Variants in DZIP1 observed in about 807,000 individuals in gnomAD.
DZIP1 encodes cilium assembly protein DZIP1.
Under a neutral mutation model 107.6 loss-of-function variants are expected in DZIP1, and 97 were observed. That is an observed-to-expected ratio of 0.90 (90% CI 0.77 to 1.07). DZIP1 has a LOEUF of 1.07. Ranked by LOEUF, DZIP1 falls within the 50% of genes least tolerant of loss-of-function variation. The pLI is 0.00. For synonymous variants in DZIP1, 390 were observed against 386.4 expected, an observed-to-expected ratio of 1.01 and a Z score of -0.11; for missense variants, 1,035 against 1,063.6, an observed-to-expected ratio of 0.97 and a Z score of 0.37.
At chr13:95,584,038 G>A (rs186936744) in intron 22 of DZIP1, among the ~76,000 whole-genome samples, 21 of 151,886 alleles carry the variant, frequency 1.4e-4, no homozygotes, top group East Asian at 3.9e-4. Flanking sequence ...GTGCAGTGGC[G>A]TGATCTCAGC....
chr13:95,588,646 A>T (rs557971904), intron 19 of DZIP1, among the ~76,000 whole-genome samples: 1 of 152,332 alleles, frequency 6.6e-6, no homozygotes, highest in Non-Finnish European at 1.5e-5. Context: ...CAGATAAGAA[A>T]ACAGGCTTAA....
chr13:95,580,708 A>G lies in DZIP1; in HGVS notation c.*1526T>C, dbSNP rs1022737972. The G allele has an allele frequency of 6.6e-6, 1 of 152,226 alleles. No homozygotes were observed. Among genetic ancestry groups the G allele is most frequent in the East Asian group, 1.9e-4 (1 of 5,198 alleles). The allele number at this position is 152,226 out of a possible 1,614,324, so 9.4% of individuals were successfully genotyped here. The stretch of plus-strand genomic sequence containing the variant: ...CAATAAATATCTGCTGAATAAATAA[A>G]TGAATGAACAAAGTGGCACATGGGC... On this transcript the variant is annotated 3_prime_UTR_variant, in exon 23 of 23. Transcript: ENST00000376829.
rs1594632500 is a variant in DZIP1, at chr13:95,581,955, C to T, written c.*279G>A. The T allele has an allele frequency of 3.3e-6, 1 of 301,132 alleles. No individual in the cohort carries two copies. The highest frequency in any genetic ancestry group is 5.8e-5 in the East Asian group (1 of 17,108). 18.7% of individuals were successfully genotyped at this position (301,132 alleles called of 1,614,324 possible). A position where few individuals can be genotyped will look rare whatever the true frequency, so the allele number is the denominator to read the frequency against. On this transcript the variant is annotated 3_prime_UTR_variant, in exon 23 of 23. Transcript: ENST00000376829. ...AAAAATACACTTAACACTAGAGTAC[C>T]TTTCTGAAGAAAAAACTTTTTATGA...
intron 20 of DZIP1, among the ~76,000 whole-genome samples, chr13:95,586,964 T>C (rs2044176540): frequency 6.6e-6 from 1 of 152,204 alleles, no homozygotes; most frequent in Admixed American, 6.5e-5. Flanking sequence ...TGGGTTGACT[T>C]GTGTCCCTCT....
rs1048373870 is a variant in DZIP1, at chr13:95,589,040, A to C, written c.2027+114T>G. The C allele has an allele frequency of 3.5e-6, 3 of 852,036 alleles. No individual in the cohort carries two copies. The South Asian group carries it at 4.6e-5, about 13-fold the overall frequency. 52.8% of individuals were successfully genotyped at this position (852,036 alleles called of 1,614,324 possible). A position where few individuals can be genotyped will look rare whatever the true frequency, so the allele number is the denominator to read the frequency against. Reference sequence around the variant, plus strand: ...TATCACAAAGGAATGACAAATTATGATATTAAATAATTACGGCTTCATTCA... The same window carrying C: ...TATCACAAAGGAATGACAAATTATGCTATTAAATAATTACGGCTTCATTCA... On this transcript the variant is annotated intron_variant, in intron 19 of 22. Coordinates refer to ENST00000376829, the MANE Select transcript of DZIP1 (RefSeq NM_198968.4).
chr13:95,593,058 C>T (rs2044354928), intron 16 of DZIP1, among the ~76,000 whole-genome samples: 2 of 152,154 alleles, frequency 1.3e-5, no homozygotes. Flanking sequence ...ACACACACAT[C>T]CATGTACATA....
intron 12 of DZIP1, among the ~76,000 whole-genome samples, chr13:95,610,161 T>C (rs535868615): frequency 2.7e-5 from 4 of 147,308 alleles, no homozygotes; most frequent in African/African-American, 1.0e-4. Context: ...AGTTCTTGAA[T>C]GATATGGAGA....
chr13:95,630,175 G>A (rs1176766610), intron 6 of DZIP1, 62 bp from the exon 7 acceptor site: 20 of 1,563,438 alleles, frequency 1.3e-5, no homozygotes, highest in Non-Finnish European at 1.6e-5. Context: ...GGAAACTTAT[G>A]GGGTACAGTC....
Position 95,641,605 on chromosome 13 carries a change from A to G in DZIP1, c.287T>C (p.Ile96Thr). The G allele has an allele frequency of 6.2e-7, 1 of 1,612,692 alleles. No individual in the cohort carries two copies. The highest frequency in any genetic ancestry group is 8.5e-7 in the Non-Finnish European group (1 of 1,180,016). ...CTCGTCTTCCAGCTTGCAGAAGGTGATGTTCATGATGTTCTCCTGCAGCGT... is the reference window on the plus strand; with the variant it reads ...CTCGTCTTCCAGCTTGCAGAAGGTGGTGTTCATGATGTTCTCCTGCAGCGT... ...VLTLQENIMN[I>T]TFCKLEDEKC... The change falls in exon 5 of 23, where the codon ATC becomes ACC. Residue 96 changes from isoleucine to threonine, a missense_variant. Coordinates refer to ENST00000376829, the MANE Select transcript of DZIP1 (RefSeq NM_198968.4). This position sits in a 1 kb window ranked among gnomAD's most constrained non-coding sequence, Gnocchi z 4.3.
At chr13:95,615,630 C>T (rs1001078295) in intron 10 of DZIP1, among the ~76,000 whole-genome samples, 3 of 152,192 alleles carry the variant, frequency 2.0e-5, no homozygotes, top group Non-Finnish European at 4.4e-5. Flanking sequence ...GTCAGAGCAT[C>T]CAAAGAAAAG....
At chr13:95,612,200 A>ATC in intron 10 of DZIP1, 23 bp from the exon 11 acceptor site, 1 of 1,602,996 alleles carries the variant, frequency 6.2e-7, no homozygotes, top group South Asian at 1.1e-5. Context: ...TAAGAAAGGC[A>ATC]TCCATCTGTA....
intron 12 of DZIP1, 24 bp from the exon 13 acceptor site, chr13:95,609,537 A>T: frequency 6.4e-7 from 1 of 1,554,362 alleles, no homozygotes; most frequent in Non-Finnish European, 8.7e-7. Context: ...AAAATAAATG[A>T]ACAAAAAACA....
At position 95,641,512 on chromosome 13, in the gene DZIP1, G is replaced by T; in HGVS notation, c.380C>A (p.Thr127Asn). Residue 127 changes from threonine to asparagine, a missense_variant, in exon 5 of 23, where the codon ACC (threonine) becomes AAC (asparagine). Coordinates refer to ENST00000376829, the MANE Select transcript of DZIP1 (RefSeq NM_198968.4). This position sits in a 1 kb window ranked among gnomAD's most constrained non-coding sequence, Gnocchi z 4.3. ...LLKLIRLAQF[T>N]IEYLLHSQEF... ...TTGTGAGTGCAGCAAGTACTCGATGGTGAACTGCGCCAGACGGATGAGCTT... is the reference window on the plus strand; with the variant it reads ...TTGTGAGTGCAGCAAGTACTCGATGTTGAACTGCGCCAGACGGATGAGCTT... The T allele has an allele frequency of 6.2e-7, 1 of 1,614,064 alleles. No homozygotes were observed. Among genetic ancestry groups the T allele is most frequent in the Non-Finnish European group, 8.5e-7 (1 of 1,180,036 alleles).
chr13:95,612,020 A>T lies in DZIP1; in HGVS notation c.1314+17T>A, dbSNP rs2045025332. On this transcript the variant is annotated intron_variant, in intron 11 of 22. Coordinates refer to ENST00000376829, the MANE Select transcript of DZIP1 (RefSeq NM_198968.4). ...GTTGCTTAAAGAAGCACGGTGCCAC[A>T]CTGCCGCCAGACATACCTGCTGTCT... 6.2e-7 allele frequency: 1 copy of T among 1,611,458 alleles called. No individual in the cohort carries two copies. The highest frequency in any genetic ancestry group is 1.3e-5 in the African/African-American group (1 of 74,814).
intron 14 of DZIP1, among the ~76,000 whole-genome samples, chr13:95,601,813 C>T (rs1421865864): frequency 6.6e-6 from 1 of 152,190 alleles, no homozygotes; most frequent in Non-Finnish European, 1.5e-5. Flanking sequence ...TATCAGAGTT[C>T]ACTGTGCTCT....
intron 14 of DZIP1, among the ~76,000 whole-genome samples, chr13:95,599,902 G>A (rs1242838887): frequency 2.0e-5 from 3 of 152,192 alleles, no homozygotes; most frequent in Non-Finnish European, 2.9e-5. Flanking sequence ...TATAAAAGGG[G>A]AACGACAGGC....
At chr13:95,586,500 T>C (rs2044164035) in intron 20 of DZIP1, among the ~76,000 whole-genome samples, 1 of 152,136 alleles carries the variant, frequency 6.6e-6, no homozygotes, top group African/African-American at 2.4e-5. Flanking sequence ...GTGCCTGGCC[T>C]AAAGTTTACA....
intron 11 of DZIP1, 123 bp from the exon 12 acceptor site, chr13:95,611,616 G>A: frequency 1.3e-6 from 1 of 788,896 alleles, no homozygotes; most frequent in Non-Finnish European, 2.1e-6. Context: ...AGGGACATAG[G>A]GCATGTGGTC....
Position 95,580,549 on chromosome 13 carries a change from T to C in DZIP1, c.*1685A>G, listed in dbSNP as rs1412652196. The C allele has an allele frequency of 6.6e-6, 1 of 152,202 alleles. No individual in the cohort carries two copies. Among genetic ancestry groups the C allele is most frequent in the African/African-American group, 2.4e-5 (1 of 41,452 alleles). 9.4% of individuals were successfully genotyped at this position (152,202 alleles called of 1,614,324 possible). ...CTCCCCTTGACACTTTGTACTTGTA[T>C]GGCTTCTGGCAACTTACTTAATAAC... On this transcript the variant is annotated 3_prime_UTR_variant, in exon 23 of 23. Coordinates refer to ENST00000376829, the MANE Select transcript of DZIP1 (RefSeq NM_198968.4).
Sources: gnomAD v4.1 joint callset for allele counts (sites outside exome capture counted in the v4.1 genomes callset) on GRCh38, gnomAD v4.1.1 for gene constraint, Gnocchi (gnomAD v3.1) non-coding constraint, MANE v1.5 for transcripts, NCBI Gene and HGNC (gene_info 2026-07-23, HGNC 2026-07-21) for gene names.